PCLO: variants seen among roughly 807,000 people sequenced by gnomAD.
The protein encoded by PCLO is protein piccolo.
Under a neutral mutation model 427.5 loss-of-function variants are expected in PCLO, and 82 were observed. The ratio of observed to expected loss-of-function variants is 0.19; its 90% CI spans 0.16 to 0.23. The LOEUF (loss-of-function observed/expected upper bound fraction) is 0.23, where lower values mean the gene tolerates loss of function less well. Ranked by LOEUF, PCLO falls within the 10% of genes least tolerant of loss-of-function variation. PCLO has a pLI of 1.00. For missense variants in PCLO, 6,239 were observed against 6,115.9 expected (o/e 1.02, Z -0.67); for synonymous variants, 2,357 against 2,155.4 (o/e 1.09, Z -2.59).
At chr7:83,011,859 AATTCATTCAGTT>A (rs1426133831) in intron 3 of PCLO, among the ~76,000 whole-genome samples, 2 of 152,130 alleles carry the variant, frequency 1.3e-5, no homozygotes, top group East Asian at 3.9e-4. Context: ...CTACCTTAGG[AATTCATTCAGTT>A]ATTCATTCAA....
At chr7:83,068,858 G>C (rs1451240999) in intron 3 of PCLO, among the ~76,000 whole-genome samples, 1 of 152,060 alleles carries the variant, frequency 6.6e-6, no homozygotes, top group Non-Finnish European at 1.5e-5. Flanking sequence ...CAATAGCCAA[G>C]ACATGGAAAC....
chr7:82,977,977 G>A (rs888534929), intron 3 of PCLO, among the ~76,000 whole-genome samples: 7 of 152,050 alleles, frequency 4.6e-5, no homozygotes, highest in African/African-American at 1.7e-4. Context: ...CAGAGTTGCA[G>A]AGTATCATTT....
chr7:82,970,757 T>C (rs1354644965), intron 3 of PCLO, among the ~76,000 whole-genome samples: 1 of 151,834 alleles, frequency 6.6e-6, no homozygotes, highest in East Asian at 1.9e-4. Flanking sequence ...AGGAGTATCA[T>C]TGGAGGAAAA....
At chr7:83,005,558 T>A (rs1787925306) in intron 3 of PCLO, among the ~76,000 whole-genome samples, 1 of 151,442 alleles carries the variant, frequency 6.6e-6, no homozygotes, top group South Asian at 2.1e-4. Flanking sequence ...AGAGAGTAAA[T>A]CTTAAGTACC....
chr7:82,790,784 A>T (rs1367048913), intron 22 of PCLO, among the ~76,000 whole-genome samples: 1 of 152,226 alleles, frequency 6.6e-6, no homozygotes, highest in African/African-American at 2.4e-5. Flanking sequence ...TGTAGTTTTT[A>T]ATTGAAGTAA....
At chr7:82,851,151 A>G (rs73171319) in intron 10 of PCLO, among the ~76,000 whole-genome samples, 6,229 of 152,120 alleles carry the variant, frequency 0.041, 208 homozygotes, top group Non-Finnish European at 0.062. Context: ...CTGGAAGGCA[A>G]TCTGGCAGAA....
chr7:83,125,495 T>C, intron 3 of PCLO, among the ~76,000 whole-genome samples: 1 of 152,196 alleles, frequency 6.6e-6, no homozygotes, highest in Non-Finnish European at 1.5e-5. Flanking sequence ...ACTGTGTCTG[T>C]GTAGAAAGAA....
intron 3 of PCLO, among the ~76,000 whole-genome samples, chr7:83,089,601 C>T (rs1790327398): frequency 6.6e-6 from 1 of 152,138 alleles, no homozygotes; most frequent in African/African-American, 2.4e-5. Flanking sequence ...AACCACAATA[C>T]CCAGTATTTA....
chr7:83,014,440 A>G (rs1011714639), intron 3 of PCLO, among the ~76,000 whole-genome samples: 6 of 152,190 alleles, frequency 3.9e-5, no homozygotes, highest in Non-Finnish European at 7.3e-5. Context: ...GTCTGCCTGC[A>G]GAGGTTTAAC....
intron 10 of PCLO, among the ~76,000 whole-genome samples, chr7:82,870,073 C>A (rs1203054883): frequency 2.0e-5 from 3 of 151,842 alleles, no homozygotes; most frequent in Non-Finnish European, 4.4e-5. Context: ...TCATTCTTCA[C>A]AGAAATACAA....
intron 22 of PCLO, among the ~76,000 whole-genome samples, chr7:82,774,030 C>G (rs2129467907): frequency 6.6e-6 from 1 of 152,340 alleles, no homozygotes; most frequent in African/African-American, 2.4e-5. Flanking sequence ...ATTCCGGCAG[C>G]AGCCTCCCTC....
At position 83,097,034 on chromosome 7, in the gene PCLO, ATAT is replaced by A. The variant is rs1296389359; in HGVS notation, c.3300+37213_3300+37215del. 1.3e-4 allele frequency among the ~76,000 whole-genome samples: 7 copies of A among 55,946 alleles called. 1 individual carries two copies. Among genetic ancestry groups the A allele is most frequent in the South Asian group, 8.3e-4 (2 of 2,416 alleles). The allele number at this position is 55,946 out of a possible 152,430, so 36.7% of individuals were successfully genotyped here. On this transcript the variant is annotated intron_variant, in intron 3 of 24. Transcript: ENST00000333891. ...TATATATTATATATTATATAAATAT[ATAT>A]TATATATTATATAAATATATTATAC...
chr7:83,074,191 T>G (rs1477763701), intron 3 of PCLO, among the ~76,000 whole-genome samples: 1 of 151,914 alleles, frequency 6.6e-6, no homozygotes, highest in East Asian at 1.9e-4. Context: ...GTGAAATACA[T>G]TTACTATTTT....
intron 3 of PCLO, among the ~76,000 whole-genome samples, chr7:83,073,804 AT>A (rs1789878858): frequency 6.6e-6 from 1 of 151,212 alleles, no homozygotes; most frequent in South Asian, 2.1e-4. Context: ...TTTTTAGTAA[AT>A]ATTTTATTAC....
chr7:82,791,957 T>C (rs555320927), intron 22 of PCLO, among the ~76,000 whole-genome samples: 2 of 152,212 alleles, frequency 1.3e-5, no homozygotes, highest in Admixed American at 6.5e-5. Context: ...TATAAATTTA[T>C]TTTTAAACTT....
intron 7 of PCLO, among the ~76,000 whole-genome samples, chr7:82,912,070 C>T (rs1259956200): frequency 6.6e-6 from 1 of 152,018 alleles, no homozygotes; most frequent in African/African-American, 2.4e-5. Context: ...ATCACTTATA[C>T]AGTTTAATTG....
intron 3 of PCLO, among the ~76,000 whole-genome samples, chr7:82,995,920 T>A (rs563232384): frequency 6.6e-6 from 1 of 151,988 alleles, no homozygotes; most frequent in African/African-American, 2.4e-5. Flanking sequence ...ATTGGAAGAA[T>A]CCAATAAAGG....
chr7:82,992,262 C>T (rs927457832), intron 3 of PCLO, among the ~76,000 whole-genome samples: 2 of 152,058 alleles, frequency 1.3e-5, no homozygotes, highest in African/African-American at 2.4e-5. Flanking sequence ...TAGGTTCATC[C>T]TCCTTGTCTA....
chr7:82,940,119 C>T lies in PCLO; in HGVS notation c.11112+9357G>A, dbSNP rs143867342. ...GAGAATGGATGTATAAATGAATGGC[C>T]GATTAGATAATTTTCCAAATGGATA... On this transcript the variant is annotated intron_variant, in intron 6 of 24. Transcript: ENST00000333891. Among the ~76,000 whole-genome samples, 53 of 152,140 alleles carry T rather than the reference C, an allele frequency of 3.5e-4. 1 individual carries two copies. The East Asian group carries it at 8.1e-3, about 23-fold the overall frequency.
Sources: allele counts gnomAD v4.1 joint callset (sites outside exome capture counted in the v4.1 genomes callset), GRCh38; gene constraint gnomAD v4.1.1; transcripts MANE v1.5; gene names NCBI Gene and HGNC (gene_info 2026-07-23, HGNC 2026-07-21).